The following NME7 variants were observed in gnomAD, a reference collection of about 807,000 sequenced individuals.
The protein encoded by NME7 is NME/NM23 family member 7.
NME7 carries 41 observed loss-of-function variants against 49.1 expected under a neutral mutation model. That is an observed-to-expected ratio of 0.83 (90% confidence interval 0.65 to 1.08). NME7 has a LOEUF of 1.08. Among genes scored for constraint, NME7 ranks in the 50% least tolerant of loss-of-function variants. The pLI, the probability that NME7 is intolerant of heterozygous loss-of-function variation, is 0.00. For missense variants in NME7, 423 were observed against 463.4 expected, an observed-to-expected ratio of 0.91 and a Z score of 0.80; for synonymous variants, 139 against 150.6, an observed-to-expected ratio of 0.92 and a Z score of 0.56.
chr1:169,273,833 T>G (rs1446027529), intron 7 of NME7, among the ~76,000 whole-genome samples: 3 of 125,322 alleles, frequency 2.4e-5, no homozygotes, highest in African/African-American at 8.0e-5. Flanking sequence ...GGTGTATATG[T>G]GCCACATTTT....
At chr1:169,232,878 T>C (rs554842777) in intron 9 of NME7, among the ~76,000 whole-genome samples, 46 of 151,326 alleles carry the variant, frequency 3.0e-4, no homozygotes, top group South Asian at 1.5e-3. Flanking sequence ...AGTTGCTTTA[T>C]TTTTCTTTTT....
chr1:169,199,395 C>A (rs1336590919), intron 10 of NME7, among the ~76,000 whole-genome samples: 1 of 150,808 alleles, frequency 6.6e-6, no homozygotes, highest in Non-Finnish European at 1.5e-5. Context: ...AGCAAAGCTA[C>A]TGAGTGGTGG....
At chr1:169,285,753 T>C (rs1006308178) in intron 7 of NME7, 3 of 152,176 alleles carry the variant, frequency 2.0e-5, no homozygotes, top group Non-Finnish European at 4.4e-5. Flanking sequence ...ATATTCTCCA[T>C]AAGTGTTTGT....
At chr1:169,355,311 T>C (rs190001496) in intron 1 of NME7, among the ~76,000 whole-genome samples, 817 of 63,912 alleles carry the variant, frequency 0.013, 25 homozygotes, top group Non-Finnish European at 0.022. Context: ...ATATAATATA[T>C]TGTATATTAT....
chr1:169,290,138 G>A (rs1052310785), intron 6 of NME7, among the ~76,000 whole-genome samples: 5 of 151,740 alleles, frequency 3.3e-5, no homozygotes, highest in East Asian at 1.9e-4. Flanking sequence ...AAATTTTCAC[G>A]CTGATAGGAT....
In NME7 at chr1:169,164,109, C is replaced by CA. The variant is rs34543492; in HGVS notation, c.1098+5337dup. Among the ~76,000 whole-genome samples the CA allele has an allele frequency of 7.5e-3, 935 of 125,238 alleles. 11 individuals are homozygous for CA. The highest frequency in any genetic ancestry group is 0.024 in the African/African-American group (799 of 33,616). 82.2% of individuals were successfully genotyped at this position (125,238 alleles called of 152,430 possible). ...TGGGCAACAGAGCGAGACTCTGTCT[C>CA]AAAAAAAAAAAAAAAAAATTAGAAT... On this transcript the variant is annotated intron_variant, in intron 11 of 11. Transcript: ENST00000367811.
intron 10 of NME7, among the ~76,000 whole-genome samples, chr1:169,200,803 C>T (rs1660525578): frequency 6.6e-6 from 1 of 152,142 alleles, no homozygotes; most frequent in Non-Finnish European, 1.5e-5. Context: ...CCTGACCCAC[C>T]CTCATGTTTC....
chr1:169,258,375 C>CATACATATATATATATAT (rs1197809299), intron 7 of NME7, among the ~76,000 whole-genome samples: 1 of 86,770 alleles, frequency 1.2e-5, no homozygotes, highest in Non-Finnish European at 2.5e-5. Context: ...TAAAATAAAA[C>CATACATATATATATATAT]ATATATATAT....
chr1:169,195,051 T>C (rs548731302), intron 10 of NME7, among the ~76,000 whole-genome samples: 1 of 138,160 alleles, frequency 7.2e-6, no homozygotes, highest in Admixed American at 7.2e-5. Context: ...TCTTAAATGC[T>C]TTAAGGGCAT....
intron 1 of NME7, among the ~76,000 whole-genome samples, chr1:169,361,905 A>G (rs1028156236): frequency 6.6e-6 from 1 of 152,188 alleles, no homozygotes; most frequent in Non-Finnish European, 1.5e-5. Context: ...GTAATTATGA[A>G]ACTGTCTTTG....
chr1:169,355,297 T>TC (rs1653417007), intron 1 of NME7, among the ~76,000 whole-genome samples: 1 of 105,862 alleles, frequency 9.4e-6, no homozygotes, highest in Non-Finnish European at 1.8e-5. Context: ...ATATTGTATA[T>TC]TATATATAAT....
chr1:169,243,751 G>A (rs936146110), intron 7 of NME7, among the ~76,000 whole-genome samples: 2 of 152,074 alleles, frequency 1.3e-5, no homozygotes, highest in Admixed American at 1.3e-4. Flanking sequence ...GAGAACTGTG[G>A]GAAATACATG....
At chr1:169,244,495 G>A (rs2101837097) in intron 7 of NME7, among the ~76,000 whole-genome samples, 1 of 151,966 alleles carries the variant, frequency 6.6e-6, no homozygotes, top group East Asian at 1.9e-4. Flanking sequence ...AATTAGCTGG[G>A]CATGGTGGTG....
intron 10 of NME7, among the ~76,000 whole-genome samples, chr1:169,203,852 G>A (rs1316818980): frequency 2.6e-5 from 4 of 151,888 alleles, no homozygotes; most frequent in Non-Finnish European, 2.9e-5. Flanking sequence ...CTGGGAACTC[G>A]TTTATTTTCG....
In NME7 at chr1:169,327,185, T is replaced by C. The variant is rs374515513; in HGVS notation, c.4-2685A>G. On this transcript the variant is annotated intron_variant, in intron 1 of 11. Coordinates refer to ENST00000367811, the MANE Select transcript of NME7 (RefSeq NM_013330.5). ...AGTAGCACATAGATACACCTTGAGT[T>C]GTCTGTCACAGATGCTCTGATGAGA... Among the ~76,000 whole-genome samples the C allele has an allele frequency of 5.3e-5, 8 of 152,342 alleles. No individual in the cohort carries two copies. In the East Asian group the frequency reaches 7.7e-4, roughly 15 times the overall value.
chr1:169,348,763 C>T (rs953387070), intron 1 of NME7, among the ~76,000 whole-genome samples: 4 of 151,892 alleles, frequency 2.6e-5, no homozygotes, highest in African/African-American at 9.7e-5. Context: ...TTTGCAGAGC[C>T]CTAGTCAAGT....
rs374143327 is a variant in NME7, at chr1:169,269,975, C to T, written c.754+17328G>A. Among the ~76,000 whole-genome samples the T allele has an allele frequency of 7.5e-5, 10 of 132,990 alleles. 2 individuals are homozygous for T. Among genetic ancestry groups the T allele is most frequent in the South Asian group, 2.3e-4 (1 of 4,310 alleles). 87.2% of individuals were successfully genotyped at this position (132,990 alleles called of 152,430 possible). On this transcript the variant is annotated intron_variant, in intron 7 of 11. Transcript: ENST00000367811. Reference sequence around the variant, plus strand: ...TAATATAGACAGGGTCTTGCTATGCCGGCCTGGCTGATTTCAAACCCCTGG... The same window carrying T: ...TAATATAGACAGGGTCTTGCTATGCTGGCCTGGCTGATTTCAAACCCCTGG...
At position 169,275,517 on chromosome 1, in the gene NME7, A is replaced by AT. The variant is rs1446506825; in HGVS notation, c.754+11785dup. ...AAAAAAAAAAAAAAGAATGCTTGTGATTTTTGTACATTGATTTTGTATCCT... is the reference window on the plus strand; with the variant it reads ...AAAAAAAAAAAAAAGAATGCTTGTGATTTTTTGTACATTGATTTTGTATCCT... On this transcript the variant is annotated intron_variant, in intron 7 of 11. Transcript: ENST00000367811. Among the ~76,000 whole-genome samples, 20 of 114,322 alleles carry AT rather than the reference A, an allele frequency of 1.7e-4. 5 individuals are homozygous for AT. The highest frequency in any genetic ancestry group is 3.6e-4 in the Non-Finnish European group (18 of 49,788). The allele number at this position is 114,322 out of a possible 152,430, so 75.0% of individuals were successfully genotyped here. A position where few individuals can be genotyped will look rare whatever the true frequency, so the allele number is the denominator to read the frequency against.
intron 7 of NME7, among the ~76,000 whole-genome samples, chr1:169,247,713 A>G (rs1056979773): frequency 6.6e-6 from 1 of 152,108 alleles, no homozygotes; most frequent in East Asian, 1.9e-4. Context: ...CTTGGTTCCC[A>G]CTTATAAGTG....
Sources: gnomAD v4.1 joint callset for allele counts (sites outside exome capture counted in the v4.1 genomes callset) on GRCh38, gnomAD v4.1.1 for gene constraint, MANE v1.5 for transcripts, NCBI Gene and HGNC (gene_info 2026-07-23, HGNC 2026-07-21) for gene names.